MARS1: variants seen among roughly 807,000 people sequenced by gnomAD.
The protein encoded by MARS1 is methionyl-tRNA synthetase 1, also known as methionine--tRNA ligase, cytoplasmic.
In MARS1, 80 loss-of-function variants were observed where a neutral mutation model predicts 119.5. That is an observed-to-expected ratio of 0.67 (90% CI 0.56 to 0.81). The LOEUF is 0.81. Ranked by LOEUF, MARS1 falls within the 30% of genes least tolerant of loss-of-function variation. The pLI is 0.00. For synonymous variants in MARS1, 418 were observed against 433.4 expected (o/e 0.96, Z 0.44); for missense variants, 945 against 1,116.5 (o/e 0.85, Z 2.19).
intron 7 of MARS1, among the ~76,000 whole-genome samples, chr12:57,493,974 TAGAC>T (rs770456568): frequency 8.5e-6 from 1 of 118,300 alleles, no homozygotes; most frequent in Non-Finnish European, 1.6e-5. Flanking sequence ...TTTTTTTTTT[TAGAC>T]AGAGTTTCGC....
intron 10 of MARS1, among the ~76,000 whole-genome samples, chr12:57,502,889 G>A (rs1217660038): frequency 2.6e-5 from 4 of 152,008 alleles, no homozygotes; most frequent in Admixed American, 1.3e-4. Flanking sequence ...AGCCGGGCGC[G>A]GTGGCACGTG....
intron 11 of MARS1, among the ~76,000 whole-genome samples, chr12:57,510,104 C>T (rs924275730): frequency 6.6e-6 from 1 of 152,090 alleles, no homozygotes; most frequent in African/African-American, 2.4e-5. Context: ...CTCAAACTCT[C>T]GGGCTCAAGT....
chr12:57,496,386 G>T (rs1876635345), intron 7 of MARS1, among the ~76,000 whole-genome samples: 1 of 149,620 alleles, frequency 6.7e-6, no homozygotes, highest in Non-Finnish European at 1.5e-5. Context: ...GGCTGGTCTT[G>T]AGCTCCGACC....
At chr12:57,492,261 A>G (rs1304031037) in intron 7 of MARS1, among the ~76,000 whole-genome samples, 1 of 150,432 alleles carries the variant, frequency 6.6e-6, no homozygotes, top group Non-Finnish European at 1.5e-5. Flanking sequence ...CCTGGGAGAC[A>G]GAGCAAGACT....
chr12:57,507,641 G>A (rs1169189378), intron 11 of MARS1, among the ~76,000 whole-genome samples: 1 of 124,534 alleles, frequency 8.0e-6, no homozygotes, highest in African/African-American at 2.8e-5. Flanking sequence ...CGGACGGGGC[G>A]GCTGGCCGGG....
chr12:57,501,037 A>C (rs191649016), intron 10 of MARS1, among the ~76,000 whole-genome samples: 1 of 152,362 alleles, frequency 6.6e-6, no homozygotes, highest in East Asian at 1.9e-4. Context: ...CTTCTGGGGG[A>C]AGATCTAACT....
intron 7 of MARS1, among the ~76,000 whole-genome samples, chr12:57,497,783 G>A (rs1594818587): frequency 6.6e-6 from 1 of 152,126 alleles, no homozygotes; most frequent in South Asian, 2.1e-4. Flanking sequence ...AGAAGCCAGC[G>A]CTGGGAAAGT....
At chr12:57,507,019 C>T (rs1877211966) in intron 11 of MARS1, among the ~76,000 whole-genome samples, 1 of 149,760 alleles carries the variant, frequency 6.7e-6, no homozygotes, top group East Asian at 2.0e-4. Context: ...TGTTTGTGTC[C>T]CTGGGTACTT....
In MARS1 at chr12:57,516,311, G is replaced by T. The variant is rs770159590; in HGVS notation, c.2530G>T (p.Ala844Ser). Residue 844 changes from alanine to serine, a missense_variant, in exon 20 of 21, where the codon GCG becomes TCG. By Grantham distance (99) the Ala-to-Ser change is moderately conservative. Coordinates refer to ENST00000262027, the MANE Select transcript of MARS1 (RefSeq NM_004990.4). ...VTTAKPQQIQ[A>S]LMDEVTKQGN... ...AACAGCCAAGCCACAGCAGATACAA[G>T]CGCTGATGGATGAAGTGACAAAACA... The T allele has an allele frequency of 3.1e-6, 5 of 1,614,230 alleles. No homozygotes were observed.
chr12:57,502,896 C>T (rs1011594993), intron 10 of MARS1, among the ~76,000 whole-genome samples: 7 of 151,736 alleles, frequency 4.6e-5, no homozygotes, highest in Middle Eastern at 3.2e-3. Flanking sequence ...CGCGGTGGCA[C>T]GTGCCTATAA....
At chr12:57,509,394 G>A (rs1036180184) in intron 11 of MARS1, among the ~76,000 whole-genome samples, 4 of 152,016 alleles carry the variant, frequency 2.6e-5, no homozygotes, top group African/African-American at 9.7e-5. Context: ...AAGAGAGTTG[G>A]TATTTGTTTT....
In MARS1 at chr12:57,498,239, A is replaced by T. The variant is rs776026574; in HGVS notation, c.853A>T (p.Ile285Phe). The T allele has an allele frequency of 2.1e-5, 34 of 1,613,956 alleles. No homozygotes were observed. The highest frequency in any genetic ancestry group is 2.4e-5 in the Non-Finnish European group (28 of 1,180,014). Residue 285 changes from isoleucine (I) to phenylalanine (F), a missense_variant, in exon 8 of 21, where the codon ATT becomes TTT. Transcript: ENST00000262027. ...CAATGTCCCCCACCTTGGGAACATC[A>T]TTGGTTGTGTGCTCAGTGCCGATGT... Reference protein sequence around the residue: ...VNNVPHLGNIIGCVLSADVFA... With the variant: ...VNNVPHLGNIFGCVLSADVFA...
At chr12:57,490,714 G>T (rs1875874991) in intron 7 of MARS1, 70 bp downstream of exon 7, 8 of 1,275,732 alleles carry the variant, frequency 6.3e-6, no homozygotes, top group Admixed American at 1.7e-5. Flanking sequence ...GCCAGAACCT[G>T]CCTGCTAGGT....
intron 11 of MARS1, among the ~76,000 whole-genome samples, chr12:57,506,888 G>GT (rs1230732279): frequency 6.9e-6 from 1 of 144,668 alleles, no homozygotes; most frequent in Non-Finnish European, 1.5e-5. Flanking sequence ...ATTCTTGGGT[G>GT]TTTCTCGCAG....
At chr12:57,493,722 T>TAC (rs1168435536) in intron 7 of MARS1, among the ~76,000 whole-genome samples, 1 of 6,062 alleles carries the variant, frequency 1.6e-4, no homozygotes, top group Non-Finnish European at 2.4e-4. Context: ...ATATATTATA[T>TAC]ATTATATTAT....
chr12:57,513,435 A>G (rs1033541366), intron 15 of MARS1, among the ~76,000 whole-genome samples: 1 of 152,082 alleles, frequency 6.6e-6, no homozygotes, highest in South Asian at 2.1e-4. Context: ...CCTGACCAAC[A>G]TAATGAATCT....
At chr12:57,515,613 T>C (rs1877764729) in intron 18 of MARS1, 1 of 565,786 alleles carries the variant, frequency 1.8e-6, no homozygotes, top group African/African-American at 1.9e-5. Context: ...TGCTAGCAGA[T>C]AGTGGGCAGG....
intron 8 of MARS1, 28 bp downstream of exon 8, chr12:57,498,301 T>G: frequency 6.2e-7 from 1 of 1,603,892 alleles, no homozygotes. Context: ...GGGAGAGACC[T>G]CCTAAGGGAA....
chr12:57,516,073 T>C, intron 19 of MARS1, 82 bp downstream of exon 19: 1 of 1,471,842 alleles, frequency 6.8e-7, no homozygotes. Context: ...TCCTCACCCA[T>C]CACTCTTTCC....
Sources: allele counts gnomAD v4.1 joint callset (sites outside exome capture counted in the v4.1 genomes callset), GRCh38; gene constraint gnomAD v4.1.1; transcripts MANE v1.5; gene names NCBI Gene and HGNC (gene_info 2026-07-23, HGNC 2026-07-21).